The following DRG1 variants were observed in gnomAD, a reference collection of about 807,000 sequenced individuals.
DRG1 encodes developmentally regulated GTP binding protein 1.
In DRG1, 19 loss-of-function variants were observed where a neutral mutation model predicts 38.8. The observed-to-expected ratio is 0.49, with a 90% CI of 0.34 to 0.72. The LOEUF (loss-of-function observed/expected upper bound fraction) is 0.72, where lower values mean the gene tolerates loss of function less well. DRG1 is among the 30% of genes least tolerant of loss of function. DRG1 has a pLI of 0.01. For missense variants in DRG1, 299 were observed against 444.8 expected (o/e 0.67, Z 2.95); for synonymous variants, 167 against 157.5 (o/e 1.06, Z -0.45).
At chr22:31,426,424 G>A (rs1271466421) in intron 6 of DRG1, 191 bp from the exon 7 acceptor site, 1 of 531,228 alleles carries the variant, frequency 1.9e-6, no homozygotes, top group Non-Finnish European at 3.3e-6. Context: ...CTGGTACTAG[G>A]GCCTGACTTC....
chr22:31,421,884 A>C (rs560671826), intron 5 of DRG1, among the ~76,000 whole-genome samples: 1 of 152,208 alleles, frequency 6.6e-6, no homozygotes, highest in Non-Finnish European at 1.5e-5. Flanking sequence ...TGGGAGTCCG[A>C]GGTGGGCGGA....
intron 4 of DRG1, among the ~76,000 whole-genome samples, chr22:31,415,124 G>A (rs1714602576): frequency 6.6e-6 from 1 of 152,042 alleles, no homozygotes; most frequent in African/African-American, 2.4e-5. Context: ...TATTGCCTAG[G>A]CAGTGATTGT....
intron 3 of DRG1, among the ~76,000 whole-genome samples, chr22:31,405,017 T>A (rs2049981679): frequency 6.6e-6 from 1 of 152,226 alleles, no homozygotes; most frequent in African/African-American, 2.4e-5. Flanking sequence ...GAATGTTACT[T>A]ATTAGGCATT....
chr22:31,418,407 A>G (rs1474731193), intron 4 of DRG1, among the ~76,000 whole-genome samples: 1 of 152,044 alleles, frequency 6.6e-6, no homozygotes, highest in African/African-American at 2.4e-5. Context: ...ATAATGAGCT[A>G]TGATCATGCG....
At chr22:31,414,775 A>G (rs1387578433) in intron 4 of DRG1, among the ~76,000 whole-genome samples, 6 of 140,834 alleles carry the variant, frequency 4.3e-5, no homozygotes, top group Admixed American at 2.1e-4. Context: ...TTCATGGCAC[A>G]TTTTCTTTTT....
chr22:31,403,704 G>C (rs938640829), intron 3 of DRG1, among the ~76,000 whole-genome samples: 1 of 150,890 alleles, frequency 6.6e-6, no homozygotes, highest in Admixed American at 6.6e-5. Context: ...GGCTGGTCTC[G>C]AACTCCTGAC....
At chr22:31,423,561 C>CT (rs2050089956) in intron 6 of DRG1, 151 bp downstream of exon 6, 2 of 884,562 alleles carry the variant, frequency 2.3e-6, no homozygotes, top group African/African-American at 3.7e-5. Context: ...GAGTCTCACT[C>CT]TGTTGCCCAG....
At position 31,434,221 on chromosome 22, in the gene DRG1, G is replaced by T; in HGVS notation, c.*250G>T. 2.2e-6 allele frequency: 1 copy of T among 454,968 alleles called. No homozygotes were observed. Among genetic ancestry groups the T allele is most frequent in the Non-Finnish European group, 4.1e-6 (1 of 245,932 alleles). 28.2% of individuals were successfully genotyped at this position (454,968 alleles called of 1,614,324 possible). ...TCATTGTCAGAATTTGTTTTGGGATGGGCTGAATGAGGAAGGGTATATACG... is the reference window on the plus strand; with the variant it reads ...TCATTGTCAGAATTTGTTTTGGGATTGGCTGAATGAGGAAGGGTATATACG... On this transcript the variant is annotated 3_prime_UTR_variant, in exon 9 of 9. Coordinates refer to ENST00000331457, the MANE Select transcript of DRG1 (RefSeq NM_004147.4).
In DRG1 at chr22:31,423,863, C is replaced by CTT. The variant is rs71202076; in HGVS notation, c.713+470_713+471dup. Among the ~76,000 whole-genome samples, 636 of 119,246 alleles carry CTT rather than the reference C, an allele frequency of 5.3e-3. 9 individuals are homozygous for CTT. Among genetic ancestry groups the CTT allele is most frequent in the Non-Finnish European group, 5.4e-3 (325 of 60,296 alleles). 78.2% of individuals were successfully genotyped at this position (119,246 alleles called of 152,430 possible). A position where few individuals can be genotyped will look rare whatever the true frequency, so the allele number is the denominator to read the frequency against. On this transcript the variant is annotated intron_variant, in intron 6 of 8. Coordinates refer to ENST00000331457, the MANE Select transcript of DRG1 (RefSeq NM_004147.4). Reference sequence around the variant, plus strand: ...CTTAAATGATAGTGGGCTTTGGTTTCTTTTTTTTTTTTTTTTTTGAGATAG... The same window carrying CTT: ...CTTAAATGATAGTGGGCTTTGGTTTCTTTTTTTTTTTTTTTTTTTTGAGATAG...
chr22:31,409,240 A>G (rs2050005815), intron 3 of DRG1, among the ~76,000 whole-genome samples: 1 of 152,080 alleles, frequency 6.6e-6, no homozygotes, highest in Admixed American at 6.6e-5. Flanking sequence ...GTGTGCCACC[A>G]TACCCGGCTA....
Position 31,408,965 on chromosome 22 carries a change from T to C in DRG1, c.343-2047T>C, listed in dbSNP as rs8140149. Among the ~76,000 whole-genome samples, 1,329 of 152,254 alleles carry C rather than the reference T, an allele frequency of 8.7e-3. 22 individuals carry two copies. The highest frequency in any genetic ancestry group is 0.031 in the African/African-American group (1,279 of 41,548). On this transcript the variant is annotated intron_variant, in intron 3 of 8. Transcript: ENST00000331457. ...TGCTGAGATGTAAATTTGAATCACA[T>C]GTGCTGTGGGGTTGGTTTTTCAATC... is the stretch of plus-strand genomic sequence containing the variant.
At chr22:31,414,247 A>T (rs750241591) in intron 4 of DRG1, among the ~76,000 whole-genome samples, 1 of 152,172 alleles carries the variant, frequency 6.6e-6, no homozygotes, top group Non-Finnish European at 1.5e-5. Context: ...TGATTATGAA[A>T]TGTGTGGCAG....
intron 5 of DRG1, among the ~76,000 whole-genome samples, chr22:31,422,322 T>C (rs888370463): frequency 4.6e-5 from 7 of 151,120 alleles, no homozygotes; most frequent in African/African-American, 1.7e-4. Flanking sequence ...ATCCTGGTAC[T>C]TCGGAGGCTG....
intron 4 of DRG1, among the ~76,000 whole-genome samples, chr22:31,416,511 T>C (rs944967520): frequency 6.6e-6 from 1 of 151,822 alleles, no homozygotes; most frequent in Non-Finnish European, 1.5e-5. Context: ...TTCCAGCACT[T>C]TGGGAGGCCA....
intron 3 of DRG1, among the ~76,000 whole-genome samples, chr22:31,405,666 C>T (rs2049985460): frequency 6.7e-6 from 1 of 148,774 alleles, no homozygotes; most frequent in South Asian, 2.3e-4. Context: ...TACTGTTGGG[C>T]ATGTGTGTGT....
chr22:31,406,006 C>CTTTTTT (rs993821605), intron 3 of DRG1, among the ~76,000 whole-genome samples: 2 of 129,410 alleles, frequency 1.5e-5, no homozygotes, highest in African/African-American at 2.8e-5. Context: ...TTTCTTTTTT[C>CTTTTTT]TTTTTTTTTT....
At chr22:31,432,960 C>A (rs2050149183) in intron 8 of DRG1, among the ~76,000 whole-genome samples, 1 of 151,934 alleles carries the variant, frequency 6.6e-6, no homozygotes, top group African/African-American at 2.4e-5. Flanking sequence ...CTCTGTGAGG[C>A]AGGTCTCGGT....
At position 31,433,998 on chromosome 22, in the gene DRG1, A is replaced by G; in HGVS notation, c.*27A>G. ...ACCTTTCCCTTTTCCCATCTGCCGG[A>G]CGAACCACAACAGCGTTCCCCATGA... On this transcript the variant is annotated 3_prime_UTR_variant, in exon 9 of 9. Coordinates refer to ENST00000331457, the MANE Select transcript of DRG1 (RefSeq NM_004147.4). 1.2e-6 allele frequency: 2 copies of G among 1,601,620 alleles called. No homozygotes were observed. Among genetic ancestry groups the G allele is most frequent in the South Asian group, 1.1e-5 (1 of 90,504 alleles).
chr22:31,407,685 C>CTTTTT (rs71319190), intron 3 of DRG1, among the ~76,000 whole-genome samples: 1 of 137,220 alleles, frequency 7.3e-6, no homozygotes, highest in Non-Finnish European at 1.6e-5. Context: ...TTTCATTTTT[C>CTTTTT]TTTTTTTTTT....
Sources: gnomAD v4.1 joint callset for allele counts (sites outside exome capture counted in the v4.1 genomes callset) on GRCh38, gnomAD v4.1.1 for gene constraint, MANE v1.5 for transcripts, NCBI Gene and HGNC (gene_info 2026-07-23, HGNC 2026-07-21) for gene names.